Variants in LSP1 observed in about 807,000 individuals in gnomAD.
LSP1 encodes lymphocyte-specific protein 1.
LSP1 carries 32 observed loss-of-function variants against 49.3 expected under a neutral mutation model. The observed-to-expected ratio is 0.65, with a 90% CI of 0.49 to 0.87. LSP1 has a LOEUF of 0.87. LSP1 is among the 40% of genes least tolerant of loss of function. The pLI, the probability that LSP1 is intolerant of heterozygous loss-of-function variation, is 0.00. For synonymous variants in LSP1, 179 were observed against 178.8 expected (o/e 1.00, Z -0.01); for missense variants, 428 against 442.6 (o/e 0.97, Z 0.30).
In LSP1 at chr11:1,865,110, G is replaced by C. The variant is rs536457502; in HGVS notation, c.53+11913G>C. ...AGGGGTGCGGGAGGAGGGCAGCAGA[G>C]AGGAGGGCCAGCAGGACAGGAGCCT... On this transcript the variant is annotated intron_variant, in intron 1 of 10. Coordinates refer to ENST00000311604, the MANE Select transcript of LSP1 (RefSeq NM_002339.3). 28 of 758,520 alleles carry C rather than the reference G, an allele frequency of 3.7e-5. No homozygotes were observed. In the South Asian group the frequency reaches 1.5e-3, roughly 41 times the overall value. 47.0% of individuals were successfully genotyped at this position (758,520 alleles called of 1,614,324 possible). A position where few individuals can be genotyped will look rare whatever the true frequency, so the allele number is the denominator to read the frequency against.
chr11:1,887,523 A>C lies in LSP1; in HGVS notation c.980A>C (p.Lys327Thr). The C allele has an allele frequency of 3.7e-6, 6 of 1,613,752 alleles. No individual in the cohort carries two copies. Among genetic ancestry groups the C allele is most frequent in the Non-Finnish European group, 5.1e-6 (6 of 1,179,930 alleles). Reference sequence around the variant, plus strand: ...AAGTTTGTGGCCACCGGGCATGGGAAGTATGAGAAGGTGCTTGTGGAAGGG... The same window carrying C: ...AAGTTTGTGGCCACCGGGCATGGGACGTATGAGAAGGTGCTTGTGGAAGGG... ...RYKFVATGHG[K>T]YEKVLVEGGP... Residue 327 changes from lysine (K) to threonine (T), a missense_variant, in exon 10 of 11, where the codon AAG becomes ACG. Physicochemically the swap from Lys to Thr is moderately conservative, Grantham distance 78. Coordinates refer to ENST00000311604, the MANE Select transcript of LSP1 (RefSeq NM_002339.3).
At chr11:1,880,284 G>A (rs1848484804) in intron 2 of LSP1, 60 bp downstream of exon 2, 1 of 1,470,234 alleles carries the variant, frequency 6.8e-7, no homozygotes, top group Non-Finnish European at 9.0e-7. Context: ...CCTGGGGCCT[G>A]GGCAGAGGGG....
At position 1,884,054 on chromosome 11, in the gene LSP1, C is replaced by T. The variant is rs774202419; in HGVS notation, c.591+30C>T. The T allele has an allele frequency of 5.7e-6, 9 of 1,588,016 alleles. No individual in the cohort carries two copies. In the African/African-American group the frequency reaches 1.2e-4, roughly 21 times the overall value. On this transcript the variant is annotated intron_variant, in intron 5 of 10. Transcript: ENST00000311604. This position sits in a 1 kb window ranked among gnomAD's most constrained non-coding sequence, Gnocchi z 4.1. ...GTTAAGCTGCAAAGCCTGCCATCTT[C>T]TCCCCTCTCCCGTACTCATACCCAA... is the stretch of plus-strand genomic sequence containing the variant.
intron 1 of LSP1, chr11:1,871,330 A>G: frequency 1.0e-6 from 1 of 986,170 alleles, no homozygotes; most frequent in Non-Finnish European, 1.2e-6. Flanking sequence ...GTCGCCGCAG[A>G]TGGGGGCAGA....
chr11:1,857,389 C>T (rs947494729), intron 1 of LSP1, among the ~76,000 whole-genome samples: 5 of 152,200 alleles, frequency 3.3e-5, no homozygotes, highest in East Asian at 1.9e-4. Flanking sequence ...CGCTACCCTA[C>T]GGGCCAGCCT....
intron 1 of LSP1, among the ~76,000 whole-genome samples, chr11:1,873,630 G>A (rs1416342124): frequency 3.5e-5 from 4 of 114,108 alleles, no homozygotes; most frequent in Non-Finnish European, 6.8e-5. Flanking sequence ...GAAGGAGAAG[G>A]AGAAGAATGG....
intron 10 of LSP1, chr11:1,890,240 C>CG (rs1041223945): frequency 3.8e-5 from 27 of 713,222 alleles, no homozygotes; most frequent in Non-Finnish European, 7.0e-5. Flanking sequence ...TGGGGGTGTG[C>CG]GGGGAGCGGG....
intron 1 of LSP1, among the ~76,000 whole-genome samples, chr11:1,855,957 C>T (rs1452832175): frequency 1.3e-5 from 2 of 152,180 alleles, no homozygotes; most frequent in Non-Finnish European, 2.9e-5. Context: ...CCTCTCAGAC[C>T]TTGGGTTCGA....
Position 1,888,684 on chromosome 11 carries a change from G to A in LSP1, c.*13+1108G>A, listed in dbSNP as rs142444064. ...AAAACTGCTGACTGCTCCTGACGCC[G>A]ATGGCCAAGCCAGCCTGACCGCACC... On this transcript the variant is annotated intron_variant, in intron 10 of 10. Coordinates refer to ENST00000311604, the MANE Select transcript of LSP1 (RefSeq NM_002339.3). 1.9e-3 allele frequency: 291 copies of A among 155,732 alleles called. 2 individuals are homozygous for A. The highest frequency in any genetic ancestry group is 6.5e-3 in the African/African-American group (272 of 41,658). The allele number at this position is 155,732 out of a possible 1,614,324, so 9.6% of individuals were successfully genotyped here.
intron 1 of LSP1, chr11:1,866,834 C>A (rs535424920): frequency 6.5e-7 from 1 of 1,548,974 alleles, no homozygotes; most frequent in East Asian, 2.4e-5. Context: ...CCTGGCTGTG[C>A]GGTGGCTCAC....
chr11:1,864,615 A>C (rs983708333), intron 1 of LSP1, among the ~76,000 whole-genome samples: 13 of 151,328 alleles, frequency 8.6e-5, no homozygotes, highest in African/African-American at 3.2e-4. Flanking sequence ...GAGGAGGTGG[A>C]GGTGGAAGAG....
intron 1 of LSP1, 29 bp downstream of exon 1, chr11:1,853,226 C>A: frequency 6.2e-7 from 1 of 1,600,518 alleles, no homozygotes; most frequent in Non-Finnish European, 8.5e-7. Flanking sequence ...GCCCGGCGCC[C>A]TGTGCCGTGT....
intron 1 of LSP1, 132 bp downstream of exon 1, chr11:1,853,329 C>G: frequency 1.1e-6 from 1 of 913,512 alleles, no homozygotes; most frequent in Non-Finnish European, 1.6e-6. Flanking sequence ...ACTTGGATGT[C>G]CGATGGGGAA....
In LSP1 at chr11:1,887,582, T is replaced by A. The variant is rs1008140708; in HGVS notation, c.*13+6T>A. ...TCCCTAGGCGTCCCATCTCGGTGAG[T>A]CCCTGGCAACTCACAGAAGGGGATG... On this transcript the variant is annotated splice_donor_region_variant and intron_variant, in intron 10 of 10. Transcript: ENST00000311604. 3.1e-6 allele frequency: 5 copies of A among 1,608,992 alleles called. No homozygotes were observed. In the African/African-American group the frequency reaches 5.4e-5, roughly 17 times the overall value.
intron 2 of LSP1, 67 bp from the exon 3 acceptor site, chr11:1,881,365 T>C: frequency 6.9e-7 from 1 of 1,439,966 alleles, no homozygotes; most frequent in Non-Finnish European, 9.3e-7. Context: ...CGCCGTGAGG[T>C]GAGTGTGGGC....
chr11:1,854,406 G>T (rs1190669026), intron 1 of LSP1, among the ~76,000 whole-genome samples: 1 of 152,208 alleles, frequency 6.6e-6, no homozygotes, highest in Non-Finnish European at 1.5e-5. Context: ...GCGGTGCAGG[G>T]ACCACCTCCC....
chr11:1,877,787 G>C (rs1196400325), intron 1 of LSP1, among the ~76,000 whole-genome samples: 18 of 152,220 alleles, frequency 1.2e-4, no homozygotes. Context: ...TGGAGAACGT[G>C]TGTGAGTTGG....
At chr11:1,889,563 C>T (rs1358551327) in intron 10 of LSP1, 2 of 613,172 alleles carry the variant, frequency 3.3e-6, no homozygotes, top group Non-Finnish European at 6.0e-6. Context: ...GAGCCACGTC[C>T]AGCCACTGAG....
At chr11:1,877,151 G>A (rs1848345420) in intron 1 of LSP1, among the ~76,000 whole-genome samples, 1 of 152,120 alleles carries the variant, frequency 6.6e-6, no homozygotes, top group African/African-American at 2.4e-5. Flanking sequence ...CGCTGGCCGG[G>A]GGGCGCCTTT....
Sources: allele counts gnomAD v4.1 joint callset (sites outside exome capture counted in the v4.1 genomes callset), GRCh38; gene constraint gnomAD v4.1.1; non-coding constraint Gnocchi (gnomAD v3.1); transcripts MANE v1.5; gene names NCBI Gene and HGNC (gene_info 2026-07-23, HGNC 2026-07-21).